The following MECOM variants were observed in gnomAD, a reference collection of about 807,000 sequenced individuals.
MECOM encodes MDS1 and EVI1 complex locus, also known as histone-lysine N-methyltransferase MECOM.
A neutral mutation model predicts 116.3 loss-of-function variants in MECOM; 13 were observed. The ratio of observed to expected loss-of-function variants is 0.11; its 90% CI spans 0.07 to 0.18. MECOM has a LOEUF of 0.18. Among genes scored for constraint, MECOM ranks in the 10% least tolerant of loss-of-function variants. MECOM has a pLI of 1.00. For synonymous variants in MECOM, 528 were observed against 535.2 expected (o/e 0.99, Z 0.19); for missense variants, 1,299 against 1,509.0 (o/e 0.86, Z 2.31).
At chr3:169,547,486 G>C (rs944048248) in intron 1 of MECOM, among the ~76,000 whole-genome samples, 4 of 152,152 alleles carry the variant, frequency 2.6e-5, no homozygotes, top group African/African-American at 9.7e-5. Context: ...AGAAGAACAA[G>C]TATGGGCTTT....
chr3:169,212,273 A>G (rs1233130662), intron 2 of MECOM, among the ~76,000 whole-genome samples: 1 of 152,028 alleles, frequency 6.6e-6, no homozygotes, highest in East Asian at 1.9e-4. Context: ...CAGAGTGATC[A>G]TTAGACAACA....
Position 169,485,445 on chromosome 3 carries a change from T to A in MECOM, c.38-103921A>T, listed in dbSNP as rs550287778. Among the ~76,000 whole-genome samples, 417 of 152,326 alleles carry A rather than the reference T, an allele frequency of 2.7e-3. 2 individuals carry two copies. The highest frequency in any genetic ancestry group is 3.1e-3 in the Non-Finnish European group (213 of 68,020). On this transcript the variant is annotated intron_variant, in intron 1 of 16. Transcript: ENST00000651503. ...TTAGAGATAATTTATTTTCTAAGAATTGTGAGACATTCATTAACTTAAATT... is the reference window on the plus strand; with the variant it reads ...TTAGAGATAATTTATTTTCTAAGAAATGTGAGACATTCATTAACTTAAATT...
intron 1 of MECOM, among the ~76,000 whole-genome samples, chr3:169,413,852 G>A (rs1738037460): frequency 6.6e-6 from 1 of 152,184 alleles, no homozygotes; most frequent in African/African-American, 2.4e-5. Context: ...TCCTCTCTGG[G>A]CAAGCCATCT....
At chr3:169,434,430 A>T (rs58954030) in intron 1 of MECOM, among the ~76,000 whole-genome samples, 86,748 of 151,260 alleles carry the variant, frequency 0.57, 25,290 homozygotes, top group East Asian at 0.9. Context: ...AATGATGTAT[A>T]AAAAGTTTAC....
intron 1 of MECOM, among the ~76,000 whole-genome samples, chr3:169,624,776 T>C (rs1771155930): frequency 1.3e-5 from 2 of 152,104 alleles, no homozygotes. Flanking sequence ...GGACCCTCCC[T>C]CGAGGTAGCC....
chr3:169,192,995 T>C lies in MECOM; in HGVS notation c.376-49163A>G, dbSNP rs114704898. ...CTATTCCATTCAGACATTTTATCAGTGACTTGGATGATGGGGGCAGGGGTA... is the reference window on the plus strand; with the variant it reads ...CTATTCCATTCAGACATTTTATCAGCGACTTGGATGATGGGGGCAGGGGTA... On this transcript the variant is annotated intron_variant, in intron 2 of 16. Transcript: ENST00000651503. 2.7e-3 allele frequency among the ~76,000 whole-genome samples: 418 copies of C among 152,070 alleles called. 3 individuals carry two copies. The highest frequency in any genetic ancestry group is 7.1e-3 in the African/African-American group (293 of 41,512).
At chr3:169,521,796 G>A (rs560077524) in intron 1 of MECOM, among the ~76,000 whole-genome samples, 17 of 152,298 alleles carry the variant, frequency 1.1e-4, no homozygotes, top group Non-Finnish European at 1.8e-4. Context: ...ATTCATATCC[G>A]TGGGTTCCAT....
At chr3:169,627,813 G>A (rs574434970) in intron 1 of MECOM, among the ~76,000 whole-genome samples, 41 of 152,218 alleles carry the variant, frequency 2.7e-4, no homozygotes, top group African/African-American at 9.2e-4. Context: ...CATAAAGCAC[G>A]TTTATAAACA....
chr3:169,352,540 A>G (rs571923999), intron 2 of MECOM, among the ~76,000 whole-genome samples: 23 of 151,954 alleles, frequency 1.5e-4, no homozygotes, highest in African/African-American at 4.8e-4. Context: ...TGTTGGGGGG[A>G]AAAGTATGGC....
intron 6 of MECOM, 141 bp from the exon 7 acceptor site, chr3:169,121,350 A>G (rs1730968475): frequency 1.2e-6 from 1 of 816,016 alleles, no homozygotes; most frequent in Admixed American, 3.1e-5. Flanking sequence ...CTCTCCTCTA[A>G]TTTCCAAAAT....
chr3:169,262,588 C>T (rs1757696912), intron 2 of MECOM, among the ~76,000 whole-genome samples: 1 of 152,122 alleles, frequency 6.6e-6, no homozygotes, highest in African/African-American at 2.4e-5. Flanking sequence ...TCTTTAGAGT[C>T]TGTGATTCTT....
At chr3:169,577,054 G>C (rs1764601470) in intron 1 of MECOM, among the ~76,000 whole-genome samples, 1 of 152,140 alleles carries the variant, frequency 6.6e-6, no homozygotes. Context: ...CAAGTTTTCT[G>C]AGTCTGAATC....
chr3:169,388,106 C>T (rs1261070189), intron 1 of MECOM, among the ~76,000 whole-genome samples: 1 of 151,990 alleles, frequency 6.6e-6, no homozygotes, highest in African/African-American at 2.4e-5. Context: ...AGGAGGAGAA[C>T]AGCTCGGCCA....
At chr3:169,496,416 A>C (rs1160405555) in intron 1 of MECOM, among the ~76,000 whole-genome samples, 1 of 152,206 alleles carries the variant, frequency 6.6e-6, no homozygotes, top group Non-Finnish European at 1.5e-5. Flanking sequence ...AGTTTTCTAA[A>C]ACTGCCTCAT....
At chr3:169,089,808 A>G (rs935326283) in intron 15 of MECOM, among the ~76,000 whole-genome samples, 192 bp downstream of exon 15, 1 of 152,104 alleles carries the variant, frequency 6.6e-6, no homozygotes, top group East Asian at 1.9e-4. Flanking sequence ...AACCTGATGT[A>G]TTTATATGCT....
At chr3:169,233,281 A>G (rs1753644149) in intron 2 of MECOM, among the ~76,000 whole-genome samples, 1 of 152,116 alleles carries the variant, frequency 6.6e-6, no homozygotes, top group South Asian at 2.1e-4. Context: ...ATAATTCTTC[A>G]GGCTATTTCA....
At chr3:169,194,721 A>G (rs550341303) in intron 2 of MECOM, among the ~76,000 whole-genome samples, 14 of 152,190 alleles carry the variant, frequency 9.2e-5, no homozygotes, top group African/African-American at 3.4e-4. Context: ...TCCTAGTGCC[A>G]GGCTGTGCCA....
At chr3:169,518,898 C>T (rs1268701344) in intron 1 of MECOM, among the ~76,000 whole-genome samples, 4 of 152,216 alleles carry the variant, frequency 2.6e-5, no homozygotes, top group African/African-American at 9.7e-5. Context: ...TCATGTAAGA[C>T]ATGACTTGCT....
At chr3:169,539,724 C>T (rs182024136) in intron 1 of MECOM, among the ~76,000 whole-genome samples, 261 of 152,254 alleles carry the variant, frequency 1.7e-3, no homozygotes, top group Middle Eastern at 6.8e-3. Context: ...CTTTTAAAAA[C>T]GTATATCAGA....
Sources: gnomAD v4.1 joint callset for allele counts (sites outside exome capture counted in the v4.1 genomes callset) on GRCh38, gnomAD v4.1.1 for gene constraint, MANE v1.5 for transcripts, NCBI Gene and HGNC (gene_info 2026-07-23, HGNC 2026-07-21) for gene names.